Variants in RBMS3 observed in about 807,000 individuals in gnomAD.
The protein encoded by RBMS3 is RNA-binding motif, single-stranded-interacting protein 3.
Under a neutral mutation model 66.8 loss-of-function variants are expected in RBMS3, and 27 were observed. That is an observed-to-expected ratio of 0.40 (90% CI 0.30 to 0.56). The LOEUF is 0.56. Ranked by LOEUF, RBMS3 falls within the 20% of genes least tolerant of loss-of-function variation. The pLI is 0.40. For synonymous variants in RBMS3, 188 were observed against 183.0 expected (o/e 1.03, Z -0.22); for missense variants, 513 against 549.5 (o/e 0.93, Z 0.66).
intron 6 of RBMS3, among the ~76,000 whole-genome samples, chr3:29,849,603 A>G (rs2058881585): frequency 6.6e-6 from 1 of 152,000 alleles, no homozygotes; most frequent in Non-Finnish European, 1.5e-5. Flanking sequence ...GTAATGCTGC[A>G]CATTCTCTTT....
chr3:29,873,800 A>G (rs973813566), intron 7 of RBMS3, among the ~76,000 whole-genome samples: 8 of 152,170 alleles, frequency 5.3e-5, no homozygotes, highest in Non-Finnish European at 7.3e-5. Flanking sequence ...AGATGAAGCA[A>G]TGTTGAAATT....
intron 4 of RBMS3, among the ~76,000 whole-genome samples, chr3:29,725,533 G>T (rs574309882): frequency 6.6e-6 from 1 of 151,910 alleles, no homozygotes; most frequent in Admixed American, 6.6e-5. Flanking sequence ...AATAATAAAG[G>T]GGATATCACC....
At chr3:29,977,437 A>C (rs1394821263) in intron 12 of RBMS3, among the ~76,000 whole-genome samples, 2 of 152,158 alleles carry the variant, frequency 1.3e-5, no homozygotes, top group Non-Finnish European at 2.9e-5. Context: ...GTTTGTTTCC[A>C]CAGAAATAAT....
At chr3:29,707,399 T>G (rs2052951695) in intron 4 of RBMS3, among the ~76,000 whole-genome samples, 3 of 152,248 alleles carry the variant, frequency 2.0e-5, no homozygotes, top group African/African-American at 7.2e-5. Flanking sequence ...CAGGGATTAA[T>G]GATGTTCCAT....
At chr3:29,725,535 G>A (rs537312082) in intron 4 of RBMS3, among the ~76,000 whole-genome samples, 6 of 152,028 alleles carry the variant, frequency 3.9e-5, no homozygotes, top group East Asian at 1.9e-4. Context: ...TAATAAAGGG[G>A]ATATCACCAC....
chr3:29,520,671 T>G (rs577057711), intron 3 of RBMS3, among the ~76,000 whole-genome samples: 1 of 152,294 alleles, frequency 6.6e-6, no homozygotes, highest in South Asian at 2.1e-4. Context: ...ACATATGCAC[T>G]ATATACAAAT....
chr3:29,756,235 G>A (rs1297713806), intron 5 of RBMS3, among the ~76,000 whole-genome samples: 1 of 152,066 alleles, frequency 6.6e-6, no homozygotes, highest in Non-Finnish European at 1.5e-5. Flanking sequence ...ATTTAACTCA[G>A]TTTTGACACA....
rs1699858843 is a variant in RBMS3 at position 30,008,335 on chromosome 3, G to GAAGA, written c.*4473_*4474insAAGA. On this transcript the variant is annotated 3_prime_UTR_variant, in exon 15 of 15. Transcript: ENST00000383767. ...TGAACCACTGCAGATGAGCTGATAAGCAGAAATTCTCAAGTGGGTTTCACT... is the reference window on the plus strand; with the variant it reads ...TGAACCACTGCAGATGAGCTGATAAGAAGACAGAAATTCTCAAGTGGGTTTCACT... 2 of 128,122 alleles carry GAAGA rather than the reference G, an allele frequency of 1.6e-5. No individual in the cohort carries two copies. Among genetic ancestry groups the GAAGA allele is most frequent in the Non-Finnish European group, 3.2e-5 (2 of 62,474 alleles). The allele number at this position is 128,122 out of a possible 1,614,324, so 7.9% of individuals were successfully genotyped here.
At chr3:29,547,869 T>G (rs1286984098) in intron 3 of RBMS3, among the ~76,000 whole-genome samples, 1 of 145,138 alleles carries the variant, frequency 6.9e-6, no homozygotes, top group Non-Finnish European at 1.5e-5. Flanking sequence ...TGGAGTGCAG[T>G]GGCACAATCT....
chr3:29,750,440 TAATC>T (rs906033436), intron 5 of RBMS3, among the ~76,000 whole-genome samples: 4 of 152,192 alleles, frequency 2.6e-5, no homozygotes, highest in Non-Finnish European at 4.4e-5. Context: ...TGTAATATAA[TAATC>T]ATAATTATGT....
At chr3:29,617,068 G>A (rs2048698387) in intron 4 of RBMS3, 1 of 152,154 alleles carries the variant, frequency 6.6e-6, no homozygotes. Context: ...TGGATAGATG[G>A]ATGAAAGGAG....
intron 3 of RBMS3, among the ~76,000 whole-genome samples, chr3:29,528,940 C>T (rs1456418389): frequency 6.6e-6 from 1 of 151,868 alleles, no homozygotes; most frequent in African/African-American, 2.4e-5. Context: ...GATGGGGTTT[C>T]ACCGTGTTGG....
intron 4 of RBMS3, among the ~76,000 whole-genome samples, chr3:29,666,158 T>G (rs953901439): frequency 6.6e-6 from 1 of 152,236 alleles, no homozygotes; most frequent in African/African-American, 2.4e-5. Context: ...TTCAAGCATT[T>G]GTTCAAATGT....
In RBMS3 at chr3:29,892,431, C is replaced by T. The variant is rs577014236; in HGVS notation, c.792-4948C>T. Among the ~76,000 whole-genome samples, 8 of 151,524 alleles carry T rather than the reference C, an allele frequency of 5.3e-5. No individual in the cohort carries two copies. In the South Asian group the frequency reaches 1.7e-3, roughly 32 times the overall value. ...GCATTGTAGCATGTTTAGCAGCATC[C>T]CAGGCCTTTATCCACTAGATGCCGG... On this transcript the variant is annotated intron_variant, in intron 8 of 14. Transcript: ENST00000383767.
chr3:29,976,797 C>T (rs191788042), intron 12 of RBMS3, among the ~76,000 whole-genome samples: 1 of 145,796 alleles, frequency 6.9e-6, no homozygotes, highest in East Asian at 1.9e-4. Context: ...CATTGTGCCT[C>T]AATTCAGAAA....
chr3:29,938,395 C>T (rs774030876), intron 11 of RBMS3, among the ~76,000 whole-genome samples: 3 of 151,754 alleles, frequency 2.0e-5, no homozygotes, highest in Non-Finnish European at 2.9e-5. Flanking sequence ...TTTTTCTTTT[C>T]ACCCTTTACA....
chr3:29,795,194 G>C (rs751976621), intron 6 of RBMS3, among the ~76,000 whole-genome samples: 1 of 152,166 alleles, frequency 6.6e-6, no homozygotes, highest in Non-Finnish European at 1.5e-5. Context: ...TCTGTCTTTT[G>C]TAAGTGCTTG....
At chr3:29,915,463 T>A (rs983934873) in intron 10 of RBMS3, among the ~76,000 whole-genome samples, 3 of 151,970 alleles carry the variant, frequency 2.0e-5, no homozygotes, top group Admixed American at 2.0e-4. Flanking sequence ...TTATACATGC[T>A]TTTTGTTGGT....
chr3:29,998,774 A>T (rs1577356975), intron 14 of RBMS3, among the ~76,000 whole-genome samples: 1 of 152,200 alleles, frequency 6.6e-6, no homozygotes, highest in Admixed American at 6.5e-5. Flanking sequence ...TTCAAGATGG[A>T]TGGATTAAAG....
Sources: gnomAD v4.1 joint callset for allele counts (sites outside exome capture counted in the v4.1 genomes callset) on GRCh38, gnomAD v4.1.1 for gene constraint, MANE v1.5 for transcripts, NCBI Gene and HGNC (gene_info 2026-07-23, HGNC 2026-07-21) for gene names.